SLC39A11: variants seen among roughly 807,000 people sequenced by gnomAD.
The protein encoded by SLC39A11 is zinc transporter ZIP11.
A neutral mutation model predicts 36.1 loss-of-function variants in SLC39A11; 33 were observed. The observed-to-expected ratio is 0.91, with a 90% CI of 0.69 to 1.22. The LOEUF (loss-of-function observed/expected upper bound fraction) is 1.22, where lower values mean the gene tolerates loss of function less well. Among genes scored for constraint, SLC39A11 ranks in the 50% most tolerant of loss-of-function variants. The probability of loss-of-function intolerance (pLI) is 0.00; values close to 1 mark genes in which losing one functional copy is unlikely to be tolerated. For synonymous variants in SLC39A11, 166 were observed against 170.3 expected, an observed-to-expected ratio of 0.97 and a Z score of 0.20; for missense variants, 432 against 430.3, an observed-to-expected ratio of 1.00 and a Z score of -0.03.
At chr17:72,727,658 A>G (rs1003605983) in intron 7 of SLC39A11, among the ~76,000 whole-genome samples, 6 of 134,194 alleles carry the variant, frequency 4.5e-5, no homozygotes, top group African/African-American at 1.8e-4. Flanking sequence ...TCTCAAAAAA[A>G]AAAAAAAAAA....
At chr17:73,070,013 G>A (rs1021581894) in intron 3 of SLC39A11, among the ~76,000 whole-genome samples, 1 of 152,182 alleles carries the variant, frequency 6.6e-6, no homozygotes, top group African/African-American at 2.4e-5. Flanking sequence ...GATGGCAGAG[G>A]GCTGCCTGAG....
At chr17:72,729,442 TATATA>T (rs2074108897) in intron 7 of SLC39A11, among the ~76,000 whole-genome samples, 8 of 5,728 alleles carry the variant, frequency 1.4e-3, no homozygotes, top group African/African-American at 6.8e-3. Context: ...TATATATATA[TATATA>T]TATATATATA....
chr17:73,009,876 A>G (rs1322085690), intron 4 of SLC39A11, among the ~76,000 whole-genome samples: 1 of 151,474 alleles, frequency 6.6e-6, no homozygotes, highest in East Asian at 1.9e-4. Flanking sequence ...TCCTAATGCT[A>G]TCCCTCCCCA....
intron 3 of SLC39A11, among the ~76,000 whole-genome samples, chr17:73,072,713 A>G (rs2060199629): frequency 6.6e-6 from 1 of 152,180 alleles, no homozygotes; most frequent in South Asian, 2.1e-4. Context: ...GGGAGCCTCA[A>G]GCCCACAAAA....
At chr17:73,020,680 C>CT (rs71154945) in intron 4 of SLC39A11, among the ~76,000 whole-genome samples, 3,990 of 98,516 alleles carry the variant, frequency 0.041, 241 homozygotes, top group East Asian at 0.067. Context: ...TTGTTTCTTT[C>CT]TTTTTTTTTT....
chr17:72,797,067 G>C (rs2076920154), intron 6 of SLC39A11, among the ~76,000 whole-genome samples: 1 of 152,148 alleles, frequency 6.6e-6, no homozygotes, highest in African/African-American at 2.4e-5. Context: ...GTTGTAGCTT[G>C]AAAGTGCCTG....
At chr17:72,962,280 C>A (rs1324533582) in intron 4 of SLC39A11, among the ~76,000 whole-genome samples, 17 of 152,168 alleles carry the variant, frequency 1.1e-4, no homozygotes, top group African/African-American at 4.1e-4. Context: ...TCCTTTTTCA[C>A]CACCGTTTCC....
chr17:72,967,393 A>AGG (rs1555655771), intron 4 of SLC39A11, among the ~76,000 whole-genome samples: 2 of 144,088 alleles, frequency 1.4e-5, no homozygotes, highest in Non-Finnish European at 3.0e-5. Context: ...AGAGAGAGAG[A>AGG]GAGAGAGTGT....
intron 7 of SLC39A11, among the ~76,000 whole-genome samples, chr17:72,716,734 C>A (rs1030753734): frequency 2.6e-5 from 4 of 151,924 alleles, no homozygotes; most frequent in Non-Finnish European, 4.4e-5. Context: ...TTTGGGAAAT[C>A]GAGGTGGGCG....
At chr17:72,690,991 C>A (rs2072001056) in intron 7 of SLC39A11, among the ~76,000 whole-genome samples, 1 of 152,158 alleles carries the variant, frequency 6.6e-6, no homozygotes, top group South Asian at 2.1e-4. Flanking sequence ...AGTGGCCACA[C>A]TGGGGAGGGG....
At chr17:72,650,919 C>A (rs984282653) in intron 7 of SLC39A11, among the ~76,000 whole-genome samples, 7 of 152,200 alleles carry the variant, frequency 4.6e-5, no homozygotes, top group African/African-American at 1.7e-4. Flanking sequence ...AAGTTCCAGC[C>A]TCTAACAAAG....
Position 73,012,580 on chromosome 17 carries a change from C to T in SLC39A11, c.306+18976G>A, listed in dbSNP as rs552622271. 8.0e-5 allele frequency among the ~76,000 whole-genome samples: 12 copies of T among 150,862 alleles called. No homozygotes were observed. In the South Asian group the frequency reaches 8.4e-4, roughly 11 times the overall value. On this transcript the variant is annotated intron_variant, in intron 4 of 9. Coordinates refer to ENST00000255559, the MANE Select transcript of SLC39A11 (RefSeq NM_139177.4). ...ATCTTAGAATCAGGGGGTACGTGTG[C>T]GGGTTTGTTACAAAGGTATATTGTG... is the stretch of plus-strand genomic sequence containing the variant.
chr17:72,822,321 T>C (rs184858207), intron 6 of SLC39A11, among the ~76,000 whole-genome samples: 1,686 of 146,838 alleles, frequency 0.011, 87 homozygotes, highest in Non-Finnish European at 0.017. Flanking sequence ...ATATAATATA[T>C]ATATAGAGAG....
At chr17:72,664,672 T>G (rs946864975) in intron 7 of SLC39A11, among the ~76,000 whole-genome samples, 2 of 152,228 alleles carry the variant, frequency 1.3e-5, no homozygotes, top group Non-Finnish European at 2.9e-5. Context: ...CTGATTATGC[T>G]GCTCCTGTGT....
At chr17:73,065,015 T>C (rs996722570) in intron 3 of SLC39A11, among the ~76,000 whole-genome samples, 1 of 152,094 alleles carries the variant, frequency 6.6e-6, no homozygotes, top group African/African-American at 2.4e-5. Flanking sequence ...TTTATAGCCA[T>C]AAATTAAATT....
At chr17:72,791,173 G>A (rs1162149843) in intron 6 of SLC39A11, among the ~76,000 whole-genome samples, 5 of 148,944 alleles carry the variant, frequency 3.4e-5, no homozygotes, top group South Asian at 2.1e-4. Flanking sequence ...TTTGAGAACC[G>A]GCTGGGCACA....
At chr17:72,803,053 A>G (rs2077147010) in intron 6 of SLC39A11, among the ~76,000 whole-genome samples, 1 of 152,224 alleles carries the variant, frequency 6.6e-6, no homozygotes, top group South Asian at 2.1e-4. Context: ...CAAAAACGGA[A>G]CGTCCTGCTT....
rs112499104 is a variant in SLC39A11 at position 72,783,324 on chromosome 17, G to C, written c.602-46605C>G. Among the ~76,000 whole-genome samples, 34 of 152,338 alleles carry C rather than the reference G, an allele frequency of 2.2e-4. 1 individual carries two copies. Among genetic ancestry groups the C allele is most frequent in the African/African-American group, 7.7e-4 (32 of 41,572 alleles). On this transcript the variant is annotated intron_variant, in intron 6 of 9. Transcript: ENST00000255559. The stretch of plus-strand genomic sequence containing the variant: ...TTTGTTATAGAAGCTGTAACAGACT[G>C]AGACAACCAGGCAGGGAGCAGAGTC...
intron 4 of SLC39A11, among the ~76,000 whole-genome samples, chr17:72,968,482 G>T (rs1472094127): frequency 6.6e-6 from 1 of 152,186 alleles, no homozygotes; most frequent in Non-Finnish European, 1.5e-5. Flanking sequence ...GTGACTAATG[G>T]TCTTTCAGTT....
Sources: gnomAD v4.1 joint callset for allele counts (sites outside exome capture counted in the v4.1 genomes callset) on GRCh38, gnomAD v4.1.1 for gene constraint, MANE v1.5 for transcripts, NCBI Gene and HGNC (gene_info 2026-07-23, HGNC 2026-07-21) for gene names.